The following C2orf74 variants were observed in gnomAD, a reference collection of about 807,000 sequenced individuals.
The protein encoded by C2orf74 is uncharacterized protein C2orf74.
A neutral mutation model predicts 17.9 loss-of-function variants in C2orf74; 14 were observed. That is an observed-to-expected ratio of 0.78 (90% CI 0.52 to 1.22). C2orf74 has a LOEUF of 1.22. Ranked by LOEUF, C2orf74 falls within the 50% of genes most tolerant of loss-of-function variation. The pLI is 0.00. For missense variants in C2orf74, 217 were observed against 218.4 expected, an observed-to-expected ratio of 0.99 and a Z score of 0.04; for synonymous variants, 79 against 72.6, an observed-to-expected ratio of 1.09 and a Z score of -0.44.
At chr2:61,150,662 A>G (rs72811416) in intron 1 of C2orf74, among the ~76,000 whole-genome samples, 1,886 of 152,282 alleles carry the variant, frequency 0.012, 43 homozygotes, top group Non-Finnish European at 0.012. Context: ...TAGAAACAGG[A>G]GGCGCTGCAC....
chr2:61,145,231 TC>T (rs1186324347), intron 1 of C2orf74: 1 of 152,268 alleles, frequency 6.6e-6, no homozygotes, highest in African/African-American at 2.4e-5. Flanking sequence ...TTTAGCGTCA[TC>T]TTTTGTCCTT....
chr2:61,152,809 T>C (rs1665273), intron 1 of C2orf74, among the ~76,000 whole-genome samples: 55,786 of 133,690 alleles, frequency 0.42, 11,736 homozygotes, highest in Middle Eastern at 0.51. Context: ...GATTGCGCCA[T>C]TGCACTCCAG....
intron 1 of C2orf74, among the ~76,000 whole-genome samples, chr2:61,152,398 A>G (rs11125869): frequency 0.42 from 63,487 of 151,280 alleles, 13,536 homozygotes; most frequent in Middle Eastern, 0.51. Flanking sequence ...AAAATTAGCC[A>G]GGCGTGGTGG....
Position 61,164,501 on chromosome 2 carries a change from A to G in C2orf74, c.538A>G (p.Thr180Ala). ...GNEYPTPRSY[T>A]REHKERK ...TGAATACCCTACACCTCGAAGCTAT[A>G]CTCGAGAACATAAAGAGAGGAAATG... Residue 180 changes from threonine to alanine, a missense_variant, in exon 5 of 5, where the codon ACT becomes GCT. Thr to Ala is a moderately conservative substitution (Grantham distance 58, BLOSUM62 0). Transcript: ENST00000432605. 1 of 1,541,138 alleles carries G rather than the reference A, an allele frequency of 6.5e-7. No individual in the cohort carries two copies. The highest frequency in any genetic ancestry group is 1.2e-5 in the South Asian group (1 of 81,346).
chr2:61,158,455 C>T (rs901368399), upstream of C2orf74, among the ~76,000 whole-genome samples: 2 of 152,164 alleles, frequency 1.3e-5, no homozygotes, highest in Non-Finnish European at 2.9e-5. Flanking sequence ...TTTTCTATAT[C>T]AAGTGAGAAC....
chr2:61,158,073 G>A (rs777372894), upstream of C2orf74: 4 of 458,596 alleles, frequency 8.7e-6, no homozygotes, highest in South Asian at 1.6e-5. Context: ...ACCCCAACAT[G>A]GCAGATGCCA....
upstream of C2orf74, among the ~76,000 whole-genome samples, chr2:61,158,682 G>A (rs1226997148): frequency 6.6e-6 from 1 of 152,158 alleles, no homozygotes; most frequent in Non-Finnish European, 1.5e-5. Flanking sequence ...TAGTGGGGAA[G>A]GCGGAAAATC....
intron 1 of C2orf74, among the ~76,000 whole-genome samples, chr2:61,149,483 G>GTCC (rs1685161517): frequency 1.3e-5 from 2 of 151,716 alleles, no homozygotes; most frequent in Admixed American, 6.6e-5. Flanking sequence ...TTGCAAGGCT[G>GTCC]TCCTGGTCCA....
rs993352198 is a variant in C2orf74 at position 61,164,541 on chromosome 2, G to A, written c.*14G>A. The A allele has an allele frequency of 1.3e-6, 2 of 1,483,574 alleles. No individual in the cohort carries two copies. The highest frequency in any genetic ancestry group is 2.6e-5 in the East Asian group (1 of 39,112). The allele number at this position is 1,483,574 out of a possible 1,614,324, so 91.9% of individuals were successfully genotyped here. A position where few individuals can be genotyped will look rare whatever the true frequency, so the allele number is the denominator to read the frequency against. On this transcript the variant is annotated 3_prime_UTR_variant, in exon 5 of 5. Transcript: ENST00000432605. Reference sequence around the variant, plus strand: ...GAGAGGAAATGAAGCTCAAAAAAGGGTAAGAGTGAAAGAAAATGTAACGTT... The same window carrying A: ...GAGAGGAAATGAAGCTCAAAAAAGGATAAGAGTGAAAGAAAATGTAACGTT...
intron 1 of C2orf74, among the ~76,000 whole-genome samples, chr2:61,153,205 A>G (rs550740410): frequency 6.6e-6 from 1 of 152,240 alleles, no homozygotes; most frequent in Admixed American, 6.5e-5. Flanking sequence ...AAGGGAAAAT[A>G]GAAGTGAGGA....
rs1044663047 is a variant in C2orf74, at chr2:61,162,302, T to C, written c.-118T>C. On this transcript the variant is annotated 5_prime_UTR_variant, in exon 1 of 5. An upstream start codon of the reference 5' UTR is lost. Transcript: ENST00000432605. ...GCCACCTCAGCCCCCACCACAGTTA[T>C]GGAGAGAAATTAGCCAGTGTGAGTC... The C allele has an allele frequency of 2.1e-5, 12 of 580,998 alleles. No homozygotes were observed. Among genetic ancestry groups the C allele is most frequent in the African/African-American group, 1.1e-4 (6 of 53,450 alleles). The allele number at this position is 580,998 out of a possible 1,614,324, so 36.0% of individuals were successfully genotyped here. A position where few individuals can be genotyped will look rare whatever the true frequency, so the allele number is the denominator to read the frequency against.
intron 4 of C2orf74, among the ~76,000 whole-genome samples, chr2:61,163,926 CT>C (rs1248425916): frequency 6.6e-6 from 1 of 152,084 alleles, no homozygotes; most frequent in Non-Finnish European, 1.5e-5. Flanking sequence ...TACCTCTCCA[CT>C]GTGGCCAAGC....
upstream of C2orf74, among the ~76,000 whole-genome samples, chr2:61,161,438 AGT>A (rs71403396): frequency 0.26 from 39,261 of 152,106 alleles, 5,583 homozygotes; most frequent in Middle Eastern, 0.4. Flanking sequence ...TTAGCATGAA[AGT>A]GTGTTAAATT....
chr2:61,159,293 G>C, upstream of C2orf74: 1 of 389,952 alleles, frequency 2.6e-6, no homozygotes, highest in Non-Finnish European at 5.0e-6. Flanking sequence ...ACCACACCCA[G>C]CCTTTTTTTT....
At chr2:61,164,306 G>C (rs916171159) in intron 4 of C2orf74, 48 bp from the exon 5 acceptor site, 4 of 1,429,072 alleles carry the variant, frequency 2.8e-6, no homozygotes, top group African/African-American at 2.9e-5. Context: ...AGCAGGGCTT[G>C]TCATAAATTG....
chr2:61,152,607 G>A (rs1685262766), intron 1 of C2orf74, among the ~76,000 whole-genome samples: 1 of 151,810 alleles, frequency 6.6e-6, no homozygotes, highest in African/African-American at 2.4e-5. Flanking sequence ...CCAGCACTTT[G>A]GGAGGCTGAG....
At chr2:61,148,755 C>T (rs1685140435) in intron 1 of C2orf74, among the ~76,000 whole-genome samples, 1 of 151,746 alleles carries the variant, frequency 6.6e-6, no homozygotes, top group Non-Finnish European at 1.5e-5. Flanking sequence ...CTCGCCTTGT[C>T]ACCCAGGCTG....
At chr2:61,147,396 A>C (rs968062646) in intron 1 of C2orf74, among the ~76,000 whole-genome samples, 2 of 152,130 alleles carry the variant, frequency 1.3e-5, no homozygotes, top group South Asian at 2.1e-4. Context: ...TTTACACACA[A>C]AAGAGTTTTC....
chr2:61,155,722 G>A (rs551183818), intron 1 of C2orf74, among the ~76,000 whole-genome samples: 5 of 152,028 alleles, frequency 3.3e-5, no homozygotes, highest in East Asian at 1.9e-4. Flanking sequence ...GGGTTTCACC[G>A]TGTTAGCCAG....
Sources: allele counts gnomAD v4.1 joint callset (sites outside exome capture counted in the v4.1 genomes callset), GRCh38; gene constraint gnomAD v4.1.1; transcripts MANE v1.5; gene names NCBI Gene and HGNC (gene_info 2026-07-23, HGNC 2026-07-21).